LARGE1: variants seen among roughly 807,000 people sequenced by gnomAD.
LARGE1 encodes the protein LARGE xylosyl- and glucuronyltransferase 1.
LARGE1 carries 43 observed loss-of-function variants against 87.6 expected under a neutral mutation model. The ratio of observed to expected loss-of-function variants is 0.49; its 90% CI spans 0.38 to 0.63. The LOEUF (loss-of-function observed/expected upper bound fraction) is 0.63. LARGE1 is among the 30% of genes least tolerant of loss of function. The probability of loss-of-function intolerance (pLI) is 0.00; values close to 1 mark genes in which losing one functional copy is unlikely to be tolerated. For missense variants in LARGE1, 802 were observed against 1,000.2 expected, an observed-to-expected ratio of 0.80 and a Z score of 2.67; for synonymous variants, 434 against 394.6, an observed-to-expected ratio of 1.10 and a Z score of -1.18.
chr22:33,337,891 T>G, intron 9 of LARGE1, 90 bp from the exon 10 acceptor site: 1 of 1,383,542 alleles, frequency 7.2e-7, no homozygotes, highest in South Asian at 1.2e-5. Flanking sequence ...AGCACTGGGC[T>G]AAGCATTATT....
intron 2 of LARGE1, among the ~76,000 whole-genome samples, chr22:33,688,625 A>C (rs1396577845): frequency 1.3e-5 from 2 of 152,152 alleles, no homozygotes; most frequent in Non-Finnish European, 2.9e-5. Context: ...TGCTGGGATT[A>C]TAGGTGTGAG....
At chr22:33,503,004 C>CAAAAAAA (rs1454655526) in intron 6 of LARGE1, among the ~76,000 whole-genome samples, 3 of 152,148 alleles carry the variant, frequency 2.0e-5, no homozygotes, top group Non-Finnish European at 4.4e-5. Context: ...AACCCAAGGT[C>CAAAAAAA]ACTGAGGTGG....
At chr22:33,391,943 G>A (rs527613671) in intron 7 of LARGE1, among the ~76,000 whole-genome samples, 2 of 151,630 alleles carry the variant, frequency 1.3e-5, no homozygotes, top group African/African-American at 4.8e-5. Context: ...CTAATTTTTT[G>A]TATTTTTAGT....
chr22:33,163,657 T>A (rs934254302), exon 12 of LARGE1: 1 of 152,206 alleles, frequency 6.6e-6, no homozygotes, highest in Non-Finnish European at 1.5e-5. Flanking sequence ...CATTCCAGTG[T>A]AAGAAATGCA....
chr22:33,260,154 A>C (rs1391988187), intron 11 of LARGE1, among the ~76,000 whole-genome samples: 1 of 151,956 alleles, frequency 6.6e-6, no homozygotes, highest in Non-Finnish European at 1.5e-5. Flanking sequence ...TTCCCACTGA[A>C]ACCCCGCAAA....
At chr22:33,582,145 T>C (rs130419) in intron 5 of LARGE1, among the ~76,000 whole-genome samples, 75,078 of 151,964 alleles carry the variant, frequency 0.49, 18,691 homozygotes, top group African/African-American at 0.54. Flanking sequence ...GGGGTGCTAC[T>C]GGATCCAGGG....
At chr22:33,381,610 G>A (rs999238030) in intron 9 of LARGE1, among the ~76,000 whole-genome samples, 1 of 152,078 alleles carries the variant, frequency 6.6e-6, no homozygotes, top group African/African-American at 2.4e-5. Context: ...CTCAATAAAT[G>A]TTTTTGCTTG....
chr22:33,626,041 T>C (rs1263335068), intron 4 of LARGE1, among the ~76,000 whole-genome samples: 1 of 152,238 alleles, frequency 6.6e-6, no homozygotes, highest in African/African-American at 2.4e-5. Flanking sequence ...GTTACAATTC[T>C]AAACATGGCA....
chr22:33,502,424 G>A (rs2070497303), intron 6 of LARGE1, among the ~76,000 whole-genome samples: 1 of 152,150 alleles, frequency 6.6e-6, no homozygotes, highest in South Asian at 2.1e-4. Flanking sequence ...GGACATGAGG[G>A]TGTCTGCAGA....
intron 11 of LARGE1, among the ~76,000 whole-genome samples, chr22:33,238,550 T>A (rs1296512917): frequency 5.3e-5 from 8 of 152,158 alleles, no homozygotes; most frequent in Non-Finnish European, 1.2e-4. Context: ...AGAAAATGCA[T>A]TTGCTTTCTG....
At chr22:33,593,146 T>C (rs1297797454) in intron 5 of LARGE1, among the ~76,000 whole-genome samples, 2 of 139,960 alleles carry the variant, frequency 1.4e-5, no homozygotes, top group African/African-American at 5.0e-5. Context: ...GCCTTTTTTC[T>C]GTTTTTAAAA....
intron 2 of LARGE1, among the ~76,000 whole-genome samples, chr22:33,656,512 T>A (rs1461847373): frequency 6.6e-6 from 1 of 152,158 alleles, no homozygotes; most frequent in Non-Finnish European, 1.5e-5. Context: ...AATACTCAAA[T>A]TCTCTGCTGT....
chr22:33,435,035 C>CT (rs2067216936), intron 6 of LARGE1, among the ~76,000 whole-genome samples: 1 of 152,190 alleles, frequency 6.6e-6, no homozygotes, highest in African/African-American at 2.4e-5. Flanking sequence ...GAGTCTTGCT[C>CT]TGTCGCCCAG....
At chr22:33,541,890 C>A (rs2077221443) in intron 6 of LARGE1, among the ~76,000 whole-genome samples, 1 of 152,070 alleles carries the variant, frequency 6.6e-6, no homozygotes, top group South Asian at 2.1e-4. Flanking sequence ...AGGCTGGGTG[C>A]AGTGGCTCAT....
intron 1 of LARGE1, among the ~76,000 whole-genome samples, chr22:33,879,340 C>A (rs1337591685): frequency 2.0e-5 from 3 of 152,152 alleles, no homozygotes; most frequent in Non-Finnish European, 4.4e-5. Context: ...GTCACAACAT[C>A]CCAAGCACAC....
At chr22:33,899,516 G>T (rs904191390) in intron 1 of LARGE1, among the ~76,000 whole-genome samples, 1 of 152,160 alleles carries the variant, frequency 6.6e-6, no homozygotes, top group Non-Finnish European at 1.5e-5. Context: ...GGATAGCTTT[G>T]CCTGGAAGCA....
intron 10 of LARGE1, among the ~76,000 whole-genome samples, chr22:33,328,719 C>A (rs573667928): frequency 6.6e-6 from 1 of 151,954 alleles, no homozygotes; most frequent in Admixed American, 6.6e-5. Flanking sequence ...TGTGGAATAA[C>A]CTGGATATAT....
intron 3 of LARGE1, among the ~76,000 whole-genome samples, chr22:33,638,383 AACAG>A (rs1214567833): frequency 6.6e-6 from 1 of 152,244 alleles, no homozygotes; most frequent in African/African-American, 2.4e-5. Flanking sequence ...CTTTTAGAAG[AACAG>A]ACAGATCTTT....
intron 9 of LARGE1, among the ~76,000 whole-genome samples, chr22:33,348,465 A>G (rs948898653): frequency 1.3e-5 from 2 of 152,220 alleles, no homozygotes; most frequent in African/African-American, 4.8e-5. Flanking sequence ...GCATAGGATC[A>G]ATGAAACAAA....
Sources: allele counts gnomAD v4.1 joint callset (sites outside exome capture counted in the v4.1 genomes callset), GRCh38; gene constraint gnomAD v4.1.1; transcripts MANE v1.5; gene names NCBI Gene and HGNC (gene_info 2026-07-23, HGNC 2026-07-21).